SEMA6D: variants seen among roughly 807,000 people sequenced by gnomAD.
SEMA6D encodes semaphorin-6D.
A neutral mutation model predicts 106.6 loss-of-function variants in SEMA6D; 35 were observed. That is an observed-to-expected ratio of 0.33 (90% CI 0.25 to 0.44). The LOEUF (loss-of-function observed/expected upper bound fraction) is 0.44, where lower values mean the gene tolerates loss of function less well. Ranked by LOEUF, SEMA6D falls within the 20% of genes least tolerant of loss-of-function variation. The pLI is 1.00. For missense variants in SEMA6D, 1,185 were observed against 1,345.9 expected, an observed-to-expected ratio of 0.88 and a Z score of 1.87; for synonymous variants, 499 against 487.7, an observed-to-expected ratio of 1.02 and a Z score of -0.31.
At chr15:47,707,450 A>G (rs574478841) in intron 4 of SEMA6D, among the ~76,000 whole-genome samples, 72 of 152,364 alleles carry the variant, frequency 4.7e-4, no homozygotes, top group African/African-American at 1.7e-3. Context: ...TGTCAGGCTG[A>G]AAAGATACCA....
At chr15:47,557,317 G>C (rs920089560) in intron 3 of SEMA6D, among the ~76,000 whole-genome samples, 1 of 152,172 alleles carries the variant, frequency 6.6e-6, no homozygotes, top group Non-Finnish European at 1.5e-5. Flanking sequence ...AGACTTCACA[G>C]TTAGCTACCT....
chr15:47,362,887 C>T (rs1183753975), intron 1 of SEMA6D, among the ~76,000 whole-genome samples: 2 of 152,162 alleles, frequency 1.3e-5, no homozygotes, highest in Non-Finnish European at 2.9e-5. Context: ...TCATGCTGCT[C>T]ATTTGCTGTT....
chr15:47,427,006 A>G (rs1005481888), intron 2 of SEMA6D, among the ~76,000 whole-genome samples: 1 of 152,184 alleles, frequency 6.6e-6, no homozygotes, highest in Non-Finnish European at 1.5e-5. Context: ...AAAGGAATGA[A>G]TAAGTCAGGT....
At chr15:47,611,305 TA>T (rs2076900506) in intron 4 of SEMA6D, among the ~76,000 whole-genome samples, 1 of 152,200 alleles carries the variant, frequency 6.6e-6, no homozygotes, top group Non-Finnish European at 1.5e-5. Context: ...TTGCCTTTTT[TA>T]TACCCTACAT....
intron 4 of SEMA6D, among the ~76,000 whole-genome samples, chr15:47,679,551 G>A (rs555686651): frequency 9.2e-5 from 14 of 152,226 alleles, no homozygotes; most frequent in Non-Finnish European, 2.1e-4. Context: ...CCCTTGTCCT[G>A]CTGATTTTTA....
At position 47,467,785 on chromosome 15, in the gene SEMA6D, T is replaced by C. The variant is rs998391872; in HGVS notation, c.-158-2689T>C. Among the ~76,000 whole-genome samples, 7 of 152,168 alleles carry C rather than the reference T, an allele frequency of 4.6e-5. No individual in the cohort carries two copies. In the East Asian group the frequency reaches 1.3e-3, roughly 29 times the overall value. Reference sequence around the variant, plus strand: ...CTGTCGTAATTATTTCTGTAAGACCTACACCGGCAGCATCGGTGCCATTTA... The same window carrying C: ...CTGTCGTAATTATTTCTGTAAGACCCACACCGGCAGCATCGGTGCCATTTA... On this transcript the variant is annotated intron_variant, in intron 2 of 19. Coordinates refer to the SEMA6D transcript ENST00000558014.
chr15:47,558,060 C>G (rs1183229256), intron 3 of SEMA6D, among the ~76,000 whole-genome samples: 1 of 152,108 alleles, frequency 6.6e-6, no homozygotes, highest in Non-Finnish European at 1.5e-5. Context: ...CCGTAGACCT[C>G]TGATACTCAT....
chr15:47,436,645 T>C (rs1406704709), intron 2 of SEMA6D, among the ~76,000 whole-genome samples: 1 of 150,538 alleles, frequency 6.6e-6, no homozygotes, highest in East Asian at 2.0e-4. Flanking sequence ...AGATGGATAT[T>C]TTAGGCTGGG....
intron 4 of SEMA6D, among the ~76,000 whole-genome samples, chr15:47,634,297 C>A (rs1257939674): frequency 2.0e-5 from 3 of 152,124 alleles, no homozygotes; most frequent in Non-Finnish European, 4.4e-5. Context: ...CCCTTCCTAG[C>A]AAAAGCAGGG....
chr15:47,683,588 AT>A (rs747683764), intron 4 of SEMA6D, among the ~76,000 whole-genome samples: 3 of 152,192 alleles, frequency 2.0e-5, no homozygotes, highest in Non-Finnish European at 4.4e-5. Flanking sequence ...TGAATGTGAT[AT>A]ATTTGGTTAT....
Position 47,469,993 on chromosome 15 carries a change from G to T in SEMA6D, c.-158-481G>T, listed in dbSNP as rs1396646548. 4.6e-5 allele frequency among the ~76,000 whole-genome samples: 7 copies of T among 151,064 alleles called. No homozygotes were observed. In the East Asian group the frequency reaches 1.4e-3, roughly 29 times the overall value. On this transcript the variant is annotated intron_variant, in intron 2 of 19. Coordinates refer to the SEMA6D transcript ENST00000558014. ...CACAGTGTCCTGCAGATGGTAAATA[G>T]AAGACATATAAATACAAATGCAATG...
intron 1 of SEMA6D, among the ~76,000 whole-genome samples, chr15:47,756,992 G>T (rs911560563): frequency 6.6e-6 from 1 of 151,838 alleles, no homozygotes; most frequent in Non-Finnish European, 1.5e-5. Context: ...AGTGGTAGGG[G>T]GTGGGGCATG....
intron 3 of SEMA6D, among the ~76,000 whole-genome samples, chr15:47,494,784 A>G (rs1308152489): frequency 9.9e-6 from 1 of 100,770 alleles, no homozygotes; most frequent in African/African-American, 4.6e-5. Flanking sequence ...ATATATATAT[A>G]TATATAATCT....
intron 4 of SEMA6D, among the ~76,000 whole-genome samples, chr15:47,679,843 T>C (rs529220625): frequency 2.2e-4 from 34 of 152,268 alleles, no homozygotes; most frequent in African/African-American, 6.3e-4. Flanking sequence ...CTGGTTTTCA[T>C]AGAAGGGAAA....
chr15:47,401,872 A>G (rs545234782), intron 1 of SEMA6D, among the ~76,000 whole-genome samples: 27 of 152,298 alleles, frequency 1.8e-4, no homozygotes, highest in Admixed American at 1.6e-3. Context: ...ACATTTGTCC[A>G]ATGTTTTTTC....
chr15:47,377,006 C>T (rs2039472103), intron 1 of SEMA6D, among the ~76,000 whole-genome samples: 1 of 152,164 alleles, frequency 6.6e-6, no homozygotes, highest in South Asian at 2.1e-4. Context: ...CCTATAATTA[C>T]TTGCCAGGCA....
intron 4 of SEMA6D, among the ~76,000 whole-genome samples, chr15:47,698,665 G>A (rs1403960017): frequency 1.3e-5 from 2 of 152,046 alleles, no homozygotes; most frequent in African/African-American, 2.4e-5. Context: ...CATATATAAA[G>A]TAGAAATACA....
intron 2 of SEMA6D, among the ~76,000 whole-genome samples, chr15:47,430,186 T>G (rs995882155): frequency 6.6e-6 from 1 of 152,090 alleles, no homozygotes; most frequent in Non-Finnish European, 1.5e-5. Flanking sequence ...CCACTTCACA[T>G]CATTCCCCCA....
At chr15:47,364,715 G>A (rs1366918218) in intron 1 of SEMA6D, among the ~76,000 whole-genome samples, 2 of 151,668 alleles carry the variant, frequency 1.3e-5, no homozygotes, top group Admixed American at 6.6e-5. Context: ...CTCATCTTAA[G>A]CCTCACACGT....
Sources: gnomAD v4.1 joint callset for allele counts (sites outside exome capture counted in the v4.1 genomes callset) on GRCh38, gnomAD v4.1.1 for gene constraint, MANE v1.5 for transcripts, NCBI Gene and HGNC (gene_info 2026-07-23, HGNC 2026-07-21) for gene names.